Variants in TMIGD3 observed in about 807,000 individuals in gnomAD.
TMIGD3 encodes the protein transmembrane and immunoglobulin domain containing 3.
A neutral mutation model predicts 28.1 loss-of-function variants in TMIGD3; 21 were observed. That is an observed-to-expected ratio of 0.75 (90% CI 0.53 to 1.08). The LOEUF is 1.08. TMIGD3 is among the 50% of genes least tolerant of loss of function. The probability of loss-of-function intolerance (pLI) is 0.00; values close to 1 mark genes in which losing one functional copy is unlikely to be tolerated. For synonymous variants in TMIGD3, 151 were observed against 162.1 expected, an observed-to-expected ratio of 0.93 and a Z score of 0.52; for missense variants, 416 against 435.6, an observed-to-expected ratio of 0.96 and a Z score of 0.40.
At chr1:111,530,068 G>A (rs1361196901) in intron 1 of TMIGD3, among the ~76,000 whole-genome samples, 1 of 151,658 alleles carries the variant, frequency 6.6e-6, no homozygotes. Flanking sequence ...TCCCAGTAGG[G>A]GCGGCCGGGC....
At chr1:111,504,604 AC>A (rs1270857799), upstream of TMIGD3, among the ~76,000 whole-genome samples, 1 of 152,226 alleles carries the variant, frequency 6.6e-6, no homozygotes, top group Non-Finnish European at 1.5e-5. Context: ...TTGGACCCAA[AC>A]CCACACAGTG....
intron 1 of TMIGD3, among the ~76,000 whole-genome samples, chr1:111,549,368 G>T (rs1399854436): frequency 1.3e-5 from 2 of 149,292 alleles, no homozygotes; most frequent in Non-Finnish European, 3.0e-5. Flanking sequence ...ACATGGTCGG[G>T]CTGGGCACGG....
intron 1 of TMIGD3, among the ~76,000 whole-genome samples, chr1:111,534,847 C>G (rs1434887188): frequency 6.6e-6 from 1 of 152,154 alleles, no homozygotes. Context: ...CCCCTATTTA[C>G]TCTCCCATCA....
intron 1 of TMIGD3, among the ~76,000 whole-genome samples, chr1:111,548,838 T>C (rs1657137821): frequency 6.6e-6 from 1 of 152,244 alleles, no homozygotes; most frequent in Non-Finnish European, 1.5e-5. Context: ...ACAAATGTGA[T>C]GTTTGTTCTT....
chr1:111,500,295 A>T (rs1655103137), intron 1 of TMIGD3: 1 of 1,614,120 alleles, frequency 6.2e-7, no homozygotes, highest in African/African-American at 1.3e-5. Context: ...GTTTGTTCCG[A>T]ATGATGTAAA....
At position 111,556,551 on chromosome 1, in the gene TMIGD3, A is replaced by G. The variant is rs576985330; in HGVS notation, c.107+7295T>C. Reference sequence around the variant, plus strand: ...ACACAAAATGTAGCATTTACATACAATAAAATATTATCCAGCCTTAAAAGG... The same window carrying G: ...ACACAAAATGTAGCATTTACATACAGTAAAATATTATCCAGCCTTAAAAGG... On this transcript the variant is annotated intron_variant, in intron 1 of 5. Transcript: ENST00000369717. Among the ~76,000 whole-genome samples, 82 of 152,348 alleles carry G rather than the reference A, an allele frequency of 5.4e-4. No individual in the cohort carries two copies. In the South Asian group the frequency reaches 0.014, roughly 27 times the overall value.
intron 1 of TMIGD3, among the ~76,000 whole-genome samples, chr1:111,516,927 T>C (rs534380066): frequency 1.4e-4 from 21 of 152,332 alleles, no homozygotes; most frequent in African/African-American, 5.1e-4. Context: ...CTAGGCACCA[T>C]TCTCACTCTT....
chr1:111,489,410 C>T (rs746902142), intron 2 of TMIGD3: 11 of 308,740 alleles, frequency 3.6e-5, no homozygotes, highest in East Asian at 1.2e-4. Flanking sequence ...ATCTGCAAAC[C>T]GAGAGATGGC....
rs879552156 is a variant in TMIGD3 at position 111,534,023 on chromosome 1, G to A, written c.107+29823C>T. Reference sequence around the variant, plus strand: ...CTATTAGTATCCACTTCATAGATTTGTTCTGAGGATAAGTTAATAAATGTA... The same window carrying A: ...CTATTAGTATCCACTTCATAGATTTATTCTGAGGATAAGTTAATAAATGTA... On this transcript the variant is annotated intron_variant, in intron 1 of 5. Transcript: ENST00000369717. 6.1e-4 allele frequency among the ~76,000 whole-genome samples: 93 copies of A among 152,134 alleles called. 1 individual carries two copies. The highest frequency in any genetic ancestry group is 2.3e-3 in the East Asian group (12 of 5,188).
chr1:111,563,868 C>G, exon 1 of TMIGD3: 1 of 1,613,436 alleles, frequency 6.2e-7, no homozygotes, highest in Non-Finnish European at 8.5e-7. Flanking sequence ...CTCAAGCAGC[C>G]CAGTGTCCAG....
intron 1 of TMIGD3, among the ~76,000 whole-genome samples, chr1:111,501,592 T>C (rs935515679): frequency 3.3e-5 from 5 of 152,230 alleles, no homozygotes; most frequent in African/African-American, 1.2e-4. Context: ...ATAGTGCAAT[T>C]ATCCCCATTT....
chr1:111,528,641 T>C (rs1277650713), intron 1 of TMIGD3, among the ~76,000 whole-genome samples: 2 of 152,216 alleles, frequency 1.3e-5, no homozygotes, highest in African/African-American at 4.8e-5. Flanking sequence ...TGAGTCTTAC[T>C]ATCCATGATA....
chr1:111,502,970 G>A (rs1159224448), intron 1 of TMIGD3, 35 bp downstream of exon 1: 2 of 1,603,730 alleles, frequency 1.2e-6, no homozygotes, highest in East Asian at 2.2e-5. Flanking sequence ...TTTCCCAGCT[G>A]CCTCAATTGC....
intron 1 of TMIGD3, among the ~76,000 whole-genome samples, chr1:111,521,768 C>G (rs920761373): frequency 1.3e-5 from 2 of 152,130 alleles, no homozygotes; most frequent in African/African-American, 4.8e-5. Context: ...AAGATTTCAT[C>G]TTTACTGTTA....
At chr1:111,494,961 G>A (rs1654825623) in intron 1 of TMIGD3, among the ~76,000 whole-genome samples, 1 of 152,138 alleles carries the variant, frequency 6.6e-6, no homozygotes. Context: ...GATTGAAACT[G>A]GACCCCTTCC....
At chr1:111,489,289 T>C (rs1466380142) in intron 2 of TMIGD3, among the ~76,000 whole-genome samples, 3 of 152,154 alleles carry the variant, frequency 2.0e-5, no homozygotes, top group African/African-American at 4.8e-5. Flanking sequence ...CATAGGGTCA[T>C]TGGGGTAGTC....
At chr1:111,535,627 GTGT>G (rs1656614064) in intron 1 of TMIGD3, among the ~76,000 whole-genome samples, 1 of 152,184 alleles carries the variant, frequency 6.6e-6, no homozygotes, top group African/African-American at 2.4e-5. Flanking sequence ...TTACTGAAAG[GTGT>G]TATTCACATA....
chr1:111,491,076 G>A (rs1200450458), intron 1 of TMIGD3, among the ~76,000 whole-genome samples: 1 of 152,214 alleles, frequency 6.6e-6, no homozygotes, highest in African/African-American at 2.4e-5. Context: ...CAATGGTCCT[G>A]GCATCATCAG....
At chr1:111,556,886 A>G (rs1657511207) in intron 1 of TMIGD3, among the ~76,000 whole-genome samples, 1 of 146,586 alleles carries the variant, frequency 6.8e-6, no homozygotes, top group Non-Finnish European at 1.5e-5. Context: ...AATAGTTAAA[A>G]TGGTACATTT....
Sources: allele counts gnomAD v4.1 joint callset (sites outside exome capture counted in the v4.1 genomes callset), GRCh38; gene constraint gnomAD v4.1.1; transcripts MANE v1.5; gene names NCBI Gene and HGNC (gene_info 2026-07-23, HGNC 2026-07-21).